Variants in LRPAP1 observed in about 807,000 individuals in gnomAD.
LRPAP1 encodes the protein LDL receptor related protein associated protein 1, also known as alpha-2-macroglobulin receptor-associated protein.
LRPAP1 carries 41 observed loss-of-function variants against 39.9 expected under a neutral mutation model. The observed-to-expected ratio is 1.03, with a 90% CI of 0.80 to 1.33. LRPAP1 has a LOEUF of 1.33. LRPAP1 is among the 40% of genes most tolerant of loss of function. The pLI is 0.00. For synonymous variants in LRPAP1, 263 were observed against 212.7 expected (o/e 1.24, Z -2.06); for missense variants, 565 against 482.3 (o/e 1.17, Z -1.61).
Position 3,518,177 on chromosome 4 carries a change from A to C in LRPAP1, c.608T>G (p.Val203Gly). The C allele has an allele frequency of 6.2e-7, 1 of 1,610,994 alleles. No homozygotes were observed. Residue 203 changes from valine to glycine, a missense_variant, in exon 5 of 8, where the codon GTC becomes GGC. Transcript: ENST00000650182. ...LSRTEEIHEN[V>G]ISPSDLSDIK... is the part of the protein sequence containing the mutation. Reference sequence around the variant, plus strand: ...GTCGCTCAGGTCCGAGGGGCTAATGACGTTCTCGTGGATTTCTGTAAAACC... The same window carrying C: ...GTCGCTCAGGTCCGAGGGGCTAATGCCGTTCTCGTGGATTTCTGTAAAACC...
chr4:3,521,959 G>A (rs1473282802), intron 2 of LRPAP1, among the ~76,000 whole-genome samples: 4 of 152,238 alleles, frequency 2.6e-5, no homozygotes, highest in Admixed American at 1.3e-4. Flanking sequence ...AGCAAAGTGA[G>A]ACCCCATCTT....
intron 7 of LRPAP1, 43 bp downstream of exon 7, chr4:3,514,709 G>T: frequency 6.4e-7 from 1 of 1,557,614 alleles, no homozygotes; most frequent in Non-Finnish European, 8.7e-7. Context: ...CATCTTTCCT[G>T]CAGGGGAACT....
At chr4:3,522,495 C>T (rs1021797509) in intron 2 of LRPAP1, among the ~76,000 whole-genome samples, 17 of 54,914 alleles carry the variant, frequency 3.1e-4, no homozygotes, top group Admixed American at 7.7e-4. Context: ...AGGATGAACA[C>T]GGCCCCACAC....
At chr4:3,515,235 T>C (rs1356515865) in intron 6 of LRPAP1, among the ~76,000 whole-genome samples, 1 of 152,178 alleles carries the variant, frequency 6.6e-6, no homozygotes, top group African/African-American at 2.4e-5. Context: ...GGGGCTGTGC[T>C]TCTGTGGTGG....
intron 2 of LRPAP1, among the ~76,000 whole-genome samples, chr4:3,524,086 C>T (rs1245188333): frequency 2.6e-5 from 4 of 152,172 alleles, no homozygotes; most frequent in East Asian, 3.9e-4. Flanking sequence ...GCTGAGCACT[C>T]GACTCTCCGG....
At chr4:3,528,447 T>C (rs1473170354) in intron 1 of LRPAP1, among the ~76,000 whole-genome samples, 1 of 152,152 alleles carries the variant, frequency 6.6e-6, no homozygotes, top group Non-Finnish European at 1.5e-5. Flanking sequence ...AACTTTCCAA[T>C]AACCTGCTGC....
Position 3,512,568 on chromosome 4 carries a change from G to A in LRPAP1, c.*406C>T, listed in dbSNP as rs937060209. On this transcript the variant is annotated 3_prime_UTR_variant, in exon 8 of 8. Transcript: ENST00000650182. ...CTTAGTGACCAGCCAACAAGCGGGT[G>A]GTTTAAATACTGCACTCTATTTTTT... 5.7e-6 allele frequency: 1 copy of A among 174,234 alleles called. No homozygotes were observed. The highest frequency in any genetic ancestry group is 1.2e-5 in the Non-Finnish European group (1 of 81,898). 10.8% of individuals were successfully genotyped at this position (174,234 alleles called of 1,614,324 possible).
chr4:3,529,304 C>T (rs1316069031), intron 1 of LRPAP1, among the ~76,000 whole-genome samples: 1 of 151,962 alleles, frequency 6.6e-6, no homozygotes, highest in Non-Finnish European at 1.5e-5. Flanking sequence ...GCCTCGGCGA[C>T]AGAGTGAGAC....
rs1400734785 is a variant in LRPAP1 at position 3,507,632 on chromosome 4, T to G, written c.*5342A>C. On this transcript the variant is annotated 3_prime_UTR_variant, in exon 8 of 8. Coordinates refer to ENST00000650182, the MANE Select transcript of LRPAP1 (RefSeq NM_002337.4). ...TGTATTATCCCATTCTTTCATATTC[T>G]TCATCAATGATCTAAGCCTCTATCA... 6.6e-6 allele frequency: 1 copy of G among 152,108 alleles called. No homozygotes were observed. The highest frequency in any genetic ancestry group is 6.5e-5 in the Admixed American group (1 of 15,276). 9.4% of individuals were successfully genotyped at this position (152,108 alleles called of 1,614,324 possible). A position where few individuals can be genotyped will look rare whatever the true frequency, so the allele number is the denominator to read the frequency against.
At chr4:3,525,549 G>A (rs1212487893) in intron 1 of LRPAP1, among the ~76,000 whole-genome samples, 1 of 152,166 alleles carries the variant, frequency 6.6e-6, no homozygotes, top group East Asian at 1.9e-4. Context: ...GATCCGAACT[G>A]TCTTGCTGAG....
At position 3,532,401 on chromosome 4, in the gene LRPAP1, C is replaced by T. The variant is rs543378868; in HGVS notation, c.12G>A (p.Arg4=). Residue 4 remains arginine, a synonymous_variant, in exon 1 of 8, where the codon CGG becomes CGA. Coordinates refer to ENST00000650182, the MANE Select transcript of LRPAP1 (RefSeq NM_002337.4). ...GCCCGCGCAGAAACGACCTGACCCT[C>T]CGCGGCGCCATCTTCCTCTGCGACT... MAP[R]RVRSFLRGLP... 9.5e-6 allele frequency: 15 copies of T among 1,575,508 alleles called. No homozygotes were observed. The highest frequency in any genetic ancestry group is 1.1e-5 in the Non-Finnish European group (13 of 1,162,026).
chr4:3,521,121 T>G (rs1729896335), intron 2 of LRPAP1, among the ~76,000 whole-genome samples: 1 of 152,166 alleles, frequency 6.6e-6, no homozygotes, highest in African/African-American at 2.4e-5. Flanking sequence ...TCCCCTGGAA[T>G]CCGGGGCCCA....
At chr4:3,532,085 C>T (rs1321527406) in intron 1 of LRPAP1, 124 bp downstream of exon 1, 1 of 1,088,668 alleles carries the variant, frequency 9.2e-7, no homozygotes, top group Non-Finnish European at 1.3e-6. Flanking sequence ...AAGGACAGGG[C>T]GCGTAGGGCA....
chr4:3,520,217 T>G, intron 2 of LRPAP1, 24 bp from the exon 3 acceptor site: 2 of 1,603,838 alleles, frequency 1.2e-6, no homozygotes, highest in Non-Finnish European at 1.7e-6. Flanking sequence ...GAGGTTCTAT[T>G]TGATATGGTT....
At chr4:3,518,400 G>A (rs1452642866) in intron 4 of LRPAP1, among the ~76,000 whole-genome samples, 5 of 138,384 alleles carry the variant, frequency 3.6e-5, no homozygotes, top group Admixed American at 3.0e-4. Context: ...GCCGGGACAC[G>A]CGCACCAAGT....
At chr4:3,513,684 G>A (rs560507809) in intron 7 of LRPAP1, among the ~76,000 whole-genome samples, 59 of 152,282 alleles carry the variant, frequency 3.9e-4, no homozygotes, top group African/African-American at 1.4e-3. Context: ...CCTCCTCAGG[G>A]CCTGGGAGGG....
At chr4:3,521,855 G>A (rs1729919436) in intron 2 of LRPAP1, among the ~76,000 whole-genome samples, 1 of 152,238 alleles carries the variant, frequency 6.6e-6, no homozygotes, top group African/African-American at 2.4e-5. Flanking sequence ...ACTATTTTAG[G>A]CCGGGCGCGG....
intron 1 of LRPAP1, 71 bp from the exon 2 acceptor site, chr4:3,525,122 G>T: frequency 6.3e-7 from 1 of 1,577,904 alleles, no homozygotes. Flanking sequence ...AACTGACCTC[G>T]GAGGAGGCTG....
chr4:3,531,939 A>G (rs1730266834), intron 1 of LRPAP1: 3 of 536,340 alleles, frequency 5.6e-6, no homozygotes, highest in Non-Finnish European at 9.9e-6. Flanking sequence ...CAGGCCGCCC[A>G]GGCTGGGGAG....
Sources: gnomAD v4.1 joint callset for allele counts (sites outside exome capture counted in the v4.1 genomes callset) on GRCh38, gnomAD v4.1.1 for gene constraint, MANE v1.5 for transcripts, NCBI Gene and HGNC (gene_info 2026-07-23, HGNC 2026-07-21) for gene names.